LRP1: variants seen among roughly 807,000 people sequenced by gnomAD.
LRP1 encodes LDL receptor related protein 1, also known as prolow-density lipoprotein receptor-related protein 1.
LRP1 carries 51 observed loss-of-function variants against 541.5 expected under a neutral mutation model. The observed-to-expected ratio is 0.09, with a 90% CI of 0.08 to 0.12. The LOEUF is 0.12. LRP1 is among the 10% of genes least tolerant of loss of function. The pLI is 1.00. For synonymous variants in LRP1, 2,219 were observed against 2,470.8 expected (o/e 0.90, Z 3.02); for missense variants, 3,878 against 6,376.2 (o/e 0.61, Z 13.34).
intron 1 of LRP1, among the ~76,000 whole-genome samples, chr12:57,131,156 G>T (rs1004876545): frequency 6.6e-6 from 1 of 152,176 alleles, no homozygotes; most frequent in Non-Finnish European, 1.5e-5. Context: ...ACCTGACTTA[G>T]TATGTTACCT....
chr12:57,154,842 G>A lies in LRP1; in HGVS notation c.1227+141G>A, dbSNP rs1357884504. Reference sequence around the variant, plus strand: ...TGCCCCAGGCCTCTAGTGGGAGTGGGGTGGGCTTGAATACTGCAGAGAAAG... The same window carrying A: ...TGCCCCAGGCCTCTAGTGGGAGTGGAGTGGGCTTGAATACTGCAGAGAAAG... On this transcript the variant is annotated intron_variant, in intron 8 of 88. Coordinates refer to ENST00000243077, the MANE Select transcript of LRP1 (RefSeq NM_002332.3). This position sits in a 1 kb window ranked among gnomAD's most constrained non-coding sequence, Gnocchi z 4.6. The A allele has an allele frequency of 3.9e-6, 3 of 763,826 alleles. No individual in the cohort carries two copies. The highest frequency in any genetic ancestry group is 3.4e-5 in the African/African-American group (2 of 58,088). 47.3% of individuals were successfully genotyped at this position (763,826 alleles called of 1,614,324 possible). A position where few individuals can be genotyped will look rare whatever the true frequency, so the allele number is the denominator to read the frequency against.
At chr12:57,200,609 C>G in intron 63 of LRP1, 74 bp downstream of exon 63, 1 of 1,547,392 alleles carries the variant, frequency 6.5e-7, no homozygotes, top group South Asian at 1.1e-5. Context: ...TTTGAATGGC[C>G]ACTGGAGAGG....
intron 44 of LRP1, among the ~76,000 whole-genome samples, chr12:57,192,253 T>C (rs1449733356): frequency 3.3e-5 from 5 of 151,864 alleles, no homozygotes; most frequent in African/African-American, 1.2e-4. Flanking sequence ...AAACCCCCAG[T>C]GCTCCTGTAC....
Position 57,165,847 on chromosome 12 carries a change from A to T in LRP1, c.2573A>T (p.Glu858Val), listed in dbSNP as rs1407495091. The T allele has an allele frequency of 3.1e-6, 5 of 1,614,184 alleles. No homozygotes were observed. Among genetic ancestry groups the T allele is most frequent in the Non-Finnish European group, 4.2e-6 (5 of 1,180,036 alleles). The change falls in exon 16 of 89, where the codon GAG becomes GTG. Residue 858 changes from glutamate (E) to valine (V), a missense_variant. Physicochemically the swap from Glu to Val is moderately radical, Grantham distance 121. This residue lies in a region of LRP1 where 496 missense variants were observed against 861.0 expected (regional missense o/e 0.58). Transcript: ENST00000243077. The surrounding 1 kb of genome is among the most constrained non-coding windows in gnomAD (Gnocchi z 4.5). ...YVPPPQCQPGEFACANSRCIQ... is the reference protein window; with the variant it reads ...YVPPPQCQPGVFACANSRCIQ... ...CCTCCACCCCAGTGCCAGCCAGGCG[A>T]GTTTGCCTGTGCCAACAGCCGCTGC...
At position 57,201,946 on chromosome 12, in the gene LRP1, G is replaced by A; in HGVS notation, c.10594+41G>A. 1.9e-6 allele frequency: 3 copies of A among 1,609,858 alleles called. No individual in the cohort carries two copies. Among genetic ancestry groups the A allele is most frequent in the Non-Finnish European group, 2.5e-6 (3 of 1,177,162 alleles). On this transcript the variant is annotated intron_variant, in intron 67 of 88. Transcript: ENST00000243077. The surrounding 1 kb of genome is among the most constrained non-coding windows in gnomAD (Gnocchi z 6.4). ...ACTCCAGGAGGAAGACAGTCTACCT[G>A]GGTGGGAGGCATGGCACCCCTGGCA...
rs2136759987 is a variant in LRP1, at chr12:57,212,590, C to T, written c.*35C>T. On this transcript the variant is annotated 3_prime_UTR_variant, in exon 89 of 89. Transcript: ENST00000243077. The surrounding 1 kb of genome is among the most constrained non-coding windows in gnomAD (Gnocchi z 5.0). ...CCGTCGGACTGCCCCCAGAAAGCCT[C>T]CTGCCCCCTGCCAGTGAAGTCCTTC... 6.5e-7 allele frequency: 1 copy of T among 1,540,308 alleles called. No homozygotes were observed. Among genetic ancestry groups the T allele is most frequent in the Non-Finnish European group, 8.7e-7 (1 of 1,143,666 alleles).
rs947499517 is a variant in LRP1 at position 57,178,255 on chromosome 12, C to T, written c.4362-104C>T. Reference sequence around the variant, plus strand: ...GGGGAGGGAATGGTCCCATGCTCTTCGCTGGGAGGGCTGTGGCCAGGGCCC... The same window carrying T: ...GGGGAGGGAATGGTCCCATGCTCTTTGCTGGGAGGGCTGTGGCCAGGGCCC... On this transcript the variant is annotated intron_variant, in intron 26 of 88. Coordinates refer to ENST00000243077, the MANE Select transcript of LRP1 (RefSeq NM_002332.3). This position sits in a 1 kb window ranked among gnomAD's most constrained non-coding sequence, Gnocchi z 5.8. The T allele has an allele frequency of 1.8e-5, 24 of 1,361,890 alleles. No individual in the cohort carries two copies. Among genetic ancestry groups the T allele is most frequent in the Middle Eastern group, 4.1e-4 (2 of 4,822 alleles). 84.4% of individuals were successfully genotyped at this position (1,361,890 alleles called of 1,614,324 possible). A position where few individuals can be genotyped will look rare whatever the true frequency, so the allele number is the denominator to read the frequency against.
rs562550990 is a variant in LRP1 at position 57,161,984 on chromosome 12, C to T, written c.2203-333C>T. 6.0e-5 allele frequency among the ~76,000 whole-genome samples: 9 copies of T among 149,660 alleles called. No homozygotes were observed. The East Asian group carries it at 8.0e-4, about 13-fold the overall frequency. On this transcript the variant is annotated intron_variant, in intron 13 of 88. Transcript: ENST00000243077. The stretch of plus-strand genomic sequence containing the variant: ...GTCTGCTCATTAGTGTGTGTGTGTG[C>T]GCGCACGCATATGAGTGTGTGTGTG...
intron 6 of LRP1, chr12:57,149,256 T>G (rs1253044140): frequency 9.0e-6 from 4 of 442,388 alleles, no homozygotes; most frequent in Non-Finnish European, 1.6e-5. Context: ...GGGGTGGCTC[T>G]AGCCACCCCA....
rs775397739 is a variant in LRP1 at position 57,185,603 on chromosome 12, C to T, written c.6536C>T (p.Ala2179Val). ...LCLYRGRGQR[A>V]CACAHGMLAE... ...CTGTACCGGGGCCGTGGGCAGCGGG[C>T]CTGCGCCTGTGCCCACGGGATGCTG... Residue 2179 changes from alanine (A) to valine (V), a missense_variant, in exon 41 of 89, where the codon GCC becomes GTC. Transcript: ENST00000243077. The surrounding 1 kb of genome is among the most constrained non-coding windows in gnomAD (Gnocchi z 4.9). 3.7e-6 allele frequency: 6 copies of T among 1,609,008 alleles called. No homozygotes were observed. Among genetic ancestry groups the T allele is most frequent in the Non-Finnish European group, 5.1e-6 (6 of 1,179,598 alleles).
chr12:57,208,679 C>A, intron 77 of LRP1, 32 bp from the exon 78 acceptor site: 2 of 1,459,836 alleles, frequency 1.4e-6, no homozygotes, highest in East Asian at 2.3e-5. Flanking sequence ...GGCCCTCCGG[C>A]CTGCCCACAC....
Position 57,169,289 on chromosome 12 carries a change from G to C in LRP1, c.3145G>C (p.Ala1049Pro). ...DCGDYSDETH[A>P]NCTNQATRPP... ...CGGAGACTACAGTGATGAGACACACGCCAACTGCACCAACCAGGGTGGGCA... is the reference window on the plus strand; with the variant it reads ...CGGAGACTACAGTGATGAGACACACCCCAACTGCACCAACCAGGGTGGGCA... The change falls in exon 20 of 89, where the codon GCC becomes CCC. Residue 1049 changes from alanine (A) to proline (P), a missense_variant. Ala to Pro is a conservative substitution (Grantham distance 27, BLOSUM62 -1). Transcript: ENST00000243077. 2 of 1,608,516 alleles carry C rather than the reference G, an allele frequency of 1.2e-6. No homozygotes were observed. The highest frequency in any genetic ancestry group is 1.7e-6 in the Non-Finnish European group (2 of 1,175,940).
At chr12:57,180,299 G>A in intron 31 of LRP1, 31 bp from the exon 32 acceptor site, 2 of 1,611,696 alleles carry the variant, frequency 1.2e-6, no homozygotes, top group Admixed American at 1.7e-5. Flanking sequence ...CCCTGGGCCA[G>A]ACTCCCCGGC....
At chr12:57,141,994 G>A (rs1449738552) in intron 3 of LRP1, among the ~76,000 whole-genome samples, 2 of 152,130 alleles carry the variant, frequency 1.3e-5, no homozygotes, top group African/African-American at 4.8e-5. Context: ...ATCTTTGAGG[G>A]GCCCTAAATC....
chr12:57,136,103 C>G (rs554600122), intron 1 of LRP1, among the ~76,000 whole-genome samples: 3 of 152,364 alleles, frequency 2.0e-5, no homozygotes, highest in Non-Finnish European at 4.4e-5. Context: ...GGACGGTTCT[C>G]CGGCATGCTA....
chr12:57,195,228 T>C (rs1405532468), intron 51 of LRP1, 43 bp from the exon 52 acceptor site: 4 of 1,606,534 alleles, frequency 2.5e-6, no homozygotes, highest in Admixed American at 1.7e-5. Context: ...AGACCTGATC[T>C]ACCCGCTCCT....
rs373027109 is a variant in LRP1 at position 57,156,316 on chromosome 12, G to A, written c.1417+33G>A. 1 of 1,607,238 alleles carries A rather than the reference G, an allele frequency of 6.2e-7. No individual in the cohort carries two copies. Among genetic ancestry groups the A allele is most frequent in the Non-Finnish European group, 8.5e-7 (1 of 1,176,350 alleles). On this transcript the variant is annotated intron_variant, in intron 9 of 88. Coordinates refer to ENST00000243077, the MANE Select transcript of LRP1 (RefSeq NM_002332.3). This position sits in a 1 kb window ranked among gnomAD's most constrained non-coding sequence, Gnocchi z 5.2. The stretch of plus-strand genomic sequence containing the variant: ...GGGCTCCATGGCCCCTCCAAAGCTG[G>A]CTTTACCCCATGATGGCTCTGGGAC...
rs2035761761 is a variant in LRP1 at position 57,162,742 on chromosome 12, C to G, written c.2405-116C>G. 3 of 1,220,300 alleles carry G rather than the reference C, an allele frequency of 2.5e-6. No homozygotes were observed. The East Asian group carries it at 7.7e-5, about 31-fold the overall frequency. The allele number at this position is 1,220,300 out of a possible 1,614,324, so 75.6% of individuals were successfully genotyped here. A position where few individuals can be genotyped will look rare whatever the true frequency, so the allele number is the denominator to read the frequency against. ...CCTGTTCTTCAACATGATCTTCTTC[C>G]TCTCCATATTTCCTCTTTCTGTCCC... On this transcript the variant is annotated intron_variant, in intron 14 of 88. Transcript: ENST00000243077. The surrounding 1 kb of genome is among the most constrained non-coding windows in gnomAD (Gnocchi z 5.2).
intron 6 of LRP1, chr12:57,149,788 G>T: frequency 2.8e-6 from 2 of 706,278 alleles, no homozygotes; most frequent in Non-Finnish European, 5.2e-6. Context: ...GAAACAAGGA[G>T]CATGAGGCCA....
Sources: gnomAD v4.1 joint callset for allele counts (sites outside exome capture counted in the v4.1 genomes callset) on GRCh38, gnomAD v4.1.1 for gene constraint, gnomAD v4.1.1 regional missense constraint, Gnocchi (gnomAD v3.1) non-coding constraint, MANE v1.5 for transcripts, NCBI Gene and HGNC (gene_info 2026-07-23, HGNC 2026-07-21) for gene names.